The following PLXNA4 variants were observed in gnomAD, a reference collection of about 807,000 sequenced individuals.
PLXNA4 encodes plexin-A4.
In PLXNA4, 44 loss-of-function variants were observed where a neutral mutation model predicts 191.8. That is an observed-to-expected ratio of 0.23 (90% confidence interval 0.18 to 0.29). The LOEUF (loss-of-function observed/expected upper bound fraction) is 0.29, where lower values mean the gene tolerates loss of function less well. Among genes scored for constraint, PLXNA4 ranks in the 10% least tolerant of loss-of-function variants. The pLI is 1.00. For missense variants in PLXNA4, 1,800 were observed against 2,488.8 expected, an observed-to-expected ratio of 0.72 and a Z score of 5.89; for synonymous variants, 1,082 against 1,009.5, an observed-to-expected ratio of 1.07 and a Z score of -1.36.
intron 1 of PLXNA4, among the ~76,000 whole-genome samples, chr7:132,572,037 G>A (rs922456015): frequency 1.3e-5 from 2 of 152,186 alleles, no homozygotes; most frequent in South Asian, 2.1e-4. Flanking sequence ...CACAGAGGTA[G>A]TGCAAGAGAC....
rs1400660160 is a variant in PLXNA4, at chr7:132,489,344, T to C, written c.1319A>G (p.Tyr440Cys). 1 of 1,602,084 alleles carries C rather than the reference T, an allele frequency of 6.2e-7. No individual in the cohort carries two copies. ...CACAAAGGCCAGAGAGTGGTTCTTGTAGACATATGCGATGACAGACGTCAT... is the reference window on the plus strand; with the variant it reads ...CACAAAGGCCAGAGAGTGGTTCTTGCAGACATATGCGATGACAGACGTCAT... ...DRMTSVIAYV[Y>C]KNHSLAFVGT... The change falls in exon 3 of 32, where the codon TAC (tyrosine) becomes TGC (cysteine). Residue 440 changes from tyrosine to cysteine, a missense_variant. This residue lies in a region of PLXNA4 where 1,397 missense variants were observed against 1,880.4 expected (regional missense o/e 0.74). Transcript: ENST00000321063.
intron 12 of PLXNA4, among the ~76,000 whole-genome samples, chr7:132,199,849 G>A (rs1217563560): frequency 1.3e-5 from 2 of 152,238 alleles, no homozygotes; most frequent in Non-Finnish European, 2.9e-5. Flanking sequence ...ACATCCCCGT[G>A]AGGGTTGGTG....
intron 4 of PLXNA4, among the ~76,000 whole-genome samples, chr7:132,287,366 C>A (rs1800721826): frequency 6.6e-6 from 1 of 152,218 alleles, no homozygotes; most frequent in Admixed American, 6.5e-5. Context: ...GCAACCACAA[C>A]TTACTAAAAG....
At chr7:132,558,056 C>T (rs551651596) in intron 1 of PLXNA4, among the ~76,000 whole-genome samples, 4 of 152,258 alleles carry the variant, frequency 2.6e-5, no homozygotes, top group African/African-American at 9.6e-5. Context: ...GATGTAAATA[C>T]TGAAAATACA....
rs115941557 is a variant in PLXNA4 at position 132,364,023 on chromosome 7, T to C, written c.1372-65801A>G. ...TTGAATCCATCCCCTTTGCCACTCG[T>C]CTGGTGTGGTCCCTGGGCCAGGACC... is the stretch of plus-strand genomic sequence containing the variant. On this transcript the variant is annotated intron_variant, in intron 3 of 31. Transcript: ENST00000321063. Among the ~76,000 whole-genome samples, 985 of 152,330 alleles carry C rather than the reference T, an allele frequency of 6.5e-3. 7 individuals carry two copies. Among genetic ancestry groups the C allele is most frequent in the African/African-American group, 0.023 (951 of 41,582 alleles).
intron 31 of PLXNA4, 31 bp from the exon 32 acceptor site, chr7:132,130,605 T>A (rs1464787252): frequency 6.2e-7 from 1 of 1,613,838 alleles, no homozygotes; most frequent in South Asian, 1.1e-5. Flanking sequence ...GGGAGATTAC[T>A]CATTTGTGTG....
intron 4 of PLXNA4, among the ~76,000 whole-genome samples, chr7:132,293,877 C>A (rs1200918603): frequency 2.0e-5 from 3 of 152,164 alleles, no homozygotes; most frequent in Admixed American, 6.5e-5. Flanking sequence ...ATAGGAGCAA[C>A]CAGAGCACCA....
chr7:132,435,305 G>C (rs918909902), intron 3 of PLXNA4, among the ~76,000 whole-genome samples: 1 of 152,102 alleles, frequency 6.6e-6, no homozygotes, highest in African/African-American at 2.4e-5. Context: ...AAGGTGGGGA[G>C]GGGGGAGAGA....
At chr7:132,436,272 C>T (rs1425231058) in intron 3 of PLXNA4, among the ~76,000 whole-genome samples, 1 of 152,236 alleles carries the variant, frequency 6.6e-6, no homozygotes, top group African/African-American at 2.4e-5. Flanking sequence ...CTCCGTCCAA[C>T]TCTGAAGGGA....
chr7:132,264,602 C>T (rs149465088), intron 4 of PLXNA4, among the ~76,000 whole-genome samples: 5 of 152,218 alleles, frequency 3.3e-5, no homozygotes, highest in East Asian at 3.9e-4. Flanking sequence ...CCACAGGCCA[C>T]GCTGGGCTCC....
chr7:132,601,353 T>C (rs1460252662), intron 2 of PLXNA4, among the ~76,000 whole-genome samples: 1 of 152,202 alleles, frequency 6.6e-6, no homozygotes, highest in Non-Finnish European at 1.5e-5. Context: ...CATTGTTTTC[T>C]TCTTCCTTAG....
At chr7:132,559,975 C>T (rs958694289) in intron 1 of PLXNA4, among the ~76,000 whole-genome samples, 1 of 152,160 alleles carries the variant, frequency 6.6e-6, no homozygotes, top group Non-Finnish European at 1.5e-5. Context: ...TAAAGGCATT[C>T]CCATGATAAA....
At chr7:132,531,939 C>T (rs1309204171) in intron 1 of PLXNA4, among the ~76,000 whole-genome samples, 1 of 152,126 alleles carries the variant, frequency 6.6e-6, no homozygotes, top group African/African-American at 2.4e-5. Context: ...CATTATTATC[C>T]ACATTTTACA....
At chr7:132,178,474 G>T (rs929122817) in intron 20 of PLXNA4, among the ~76,000 whole-genome samples, 6 of 152,200 alleles carry the variant, frequency 3.9e-5, no homozygotes, top group Non-Finnish European at 8.8e-5. Context: ...AAAGCTGTGT[G>T]CCTGCCACAC....
At chr7:132,347,590 A>G (rs1803297323) in intron 3 of PLXNA4, among the ~76,000 whole-genome samples, 1 of 152,148 alleles carries the variant, frequency 6.6e-6, no homozygotes, top group Non-Finnish European at 1.5e-5. Flanking sequence ...TTTGGTAGGA[A>G]ATGGCAGCTG....
At chr7:132,317,454 T>C (rs1801990135) in intron 3 of PLXNA4, among the ~76,000 whole-genome samples, 1 of 151,998 alleles carries the variant, frequency 6.6e-6, no homozygotes, top group South Asian at 2.1e-4. Context: ...TGAATTGGAT[T>C]GAGTTGAGTT....
intron 2 of PLXNA4, among the ~76,000 whole-genome samples, chr7:132,590,688 C>A (rs941913967): frequency 2.6e-5 from 4 of 152,110 alleles, no homozygotes; most frequent in Non-Finnish European, 5.9e-5. Flanking sequence ...TAGCTGGTAC[C>A]CACGCAGATT....
chr7:132,581,658 C>T (rs1585384813), upstream of PLXNA4, among the ~76,000 whole-genome samples: 1 of 152,312 alleles, frequency 6.6e-6, no homozygotes, highest in South Asian at 2.1e-4. Context: ...GCAAGCTCTG[C>T]TGCCGTGCCA....
intron 3 of PLXNA4, among the ~76,000 whole-genome samples, chr7:132,322,382 C>T (rs1441769040): frequency 6.6e-6 from 1 of 152,042 alleles, no homozygotes; most frequent in Non-Finnish European, 1.5e-5. Context: ...AGGGTTTCAC[C>T]ATGCTAGCCA....
Sources: gnomAD v4.1 joint callset for allele counts (sites outside exome capture counted in the v4.1 genomes callset) on GRCh38, gnomAD v4.1.1 for gene constraint, gnomAD v4.1.1 regional missense constraint, MANE v1.5 for transcripts, NCBI Gene and HGNC (gene_info 2026-07-23, HGNC 2026-07-21) for gene names.